The following PLXNA4 variants were observed in gnomAD, a reference collection of about 807,000 sequenced individuals.
The protein encoded by PLXNA4 is plexin A4.
In PLXNA4, 44 loss-of-function variants were observed where a neutral mutation model predicts 191.8. The ratio of observed to expected loss-of-function variants is 0.23; its 90% CI spans 0.18 to 0.29. PLXNA4 has a LOEUF of 0.29. Among genes scored for constraint, PLXNA4 ranks in the 10% least tolerant of loss-of-function variants. The pLI is 1.00. For synonymous variants in PLXNA4, 1,082 were observed against 1,009.5 expected (o/e 1.07, Z -1.36); for missense variants, 1,800 against 2,488.8 (o/e 0.72, Z 5.89).
chr7:132,227,338 C>T lies in PLXNA4; in HGVS notation c.1882+113G>A, dbSNP rs1798360554. On this transcript the variant is annotated intron_variant, in intron 7 of 31. Transcript: ENST00000321063. ...CACACCCACCATCCCATGCCCCTTC[C>T]TCTGACTCTCTCCTGCCTGCAGGTT... The T allele has an allele frequency of 2.1e-5, 30 of 1,426,222 alleles. 1 individual carries two copies. The South Asian group carries it at 4.0e-4, about 19-fold the overall frequency. The allele number at this position is 1,426,222 out of a possible 1,614,324, so 88.3% of individuals were successfully genotyped here.
intron 3 of PLXNA4, among the ~76,000 whole-genome samples, chr7:132,380,489 A>C (rs187868326): frequency 1.0e-3 from 155 of 152,298 alleles, no homozygotes; most frequent in African/African-American, 3.5e-3. Context: ...AAGATAATAT[A>C]ATGTGGCCCT....
intron 3 of PLXNA4, among the ~76,000 whole-genome samples, chr7:132,387,711 G>A (rs1394759817): frequency 1.3e-5 from 2 of 152,292 alleles, no homozygotes; most frequent in East Asian, 3.9e-4. Flanking sequence ...CCAAGGTCAG[G>A]GTGCTGGAGG....
At chr7:132,452,183 A>C (rs549951915) in intron 3 of PLXNA4, among the ~76,000 whole-genome samples, 1 of 152,362 alleles carries the variant, frequency 6.6e-6, no homozygotes, top group South Asian at 2.1e-4. Context: ...ATAATTCCAA[A>C]GGAAATCAAA....
At chr7:132,313,344 G>A (rs995175821) in intron 3 of PLXNA4, among the ~76,000 whole-genome samples, 3 of 152,164 alleles carry the variant, frequency 2.0e-5, no homozygotes, top group Non-Finnish European at 4.4e-5. Flanking sequence ...ACAGGAAGTT[G>A]CATGTGCCTG....
chr7:132,555,875 T>G (rs1414941045), intron 1 of PLXNA4, among the ~76,000 whole-genome samples: 3 of 152,186 alleles, frequency 2.0e-5, no homozygotes, highest in African/African-American at 7.2e-5. Flanking sequence ...TTAAAAAACA[T>G]AAGAGATGTT....
chr7:132,466,196 AAAGGGGGAAATATGCAGGAG>A (rs1796693309), intron 3 of PLXNA4, among the ~76,000 whole-genome samples: 1 of 152,178 alleles, frequency 6.6e-6, no homozygotes, highest in Non-Finnish European at 1.5e-5. Context: ...GGCCAGTGTG[AAAGGGGGAAATATGCAGGAG>A]GGACAATGTC....
At chr7:132,410,822 C>T (rs11771703) in intron 3 of PLXNA4, among the ~76,000 whole-genome samples, 3 of 151,898 alleles carry the variant, frequency 2.0e-5, no homozygotes, top group African/African-American at 2.4e-5. Context: ...CCCCTTCTGA[C>T]GGTGCACCCA....
intron 1 of PLXNA4, among the ~76,000 whole-genome samples, chr7:132,562,985 T>TCTCCTCCTCCTC (rs372238259): frequency 1.3e-4 from 1 of 7,594 alleles, no homozygotes; most frequent in Non-Finnish European, 2.7e-4. Flanking sequence ...TCCTCCTCCT[T>TCTCCTCCTCCTC]CTCCTCCTCC....
chr7:132,336,198 G>A (rs564332366), intron 3 of PLXNA4, among the ~76,000 whole-genome samples: 6 of 152,318 alleles, frequency 3.9e-5, no homozygotes, highest in Middle Eastern at 3.4e-3. Context: ...TGTTTCTGGA[G>A]TTAAGATTTA....
intron 17 of PLXNA4, 82 bp downstream of exon 17, chr7:132,182,015 G>C: frequency 6.2e-7 from 1 of 1,601,614 alleles, no homozygotes; most frequent in South Asian, 1.1e-5. Flanking sequence ...AGTTACCTCA[G>C]TACTTGGGAA....
Position 132,354,631 on chromosome 7 carries a change from C to A in PLXNA4, c.1372-56409G>T, listed in dbSNP as rs1296433063. On this transcript the variant is annotated intron_variant, in intron 3 of 31. Transcript: ENST00000321063. The stretch of plus-strand genomic sequence containing the variant: ...GTCCACATGTGTGTGTCCTAATGTA[C>A]CCCTGCTCTGCAGATGGCTCTAATT... Among the ~76,000 whole-genome samples the A allele has an allele frequency of 2.6e-5, 4 of 152,188 alleles. 1 individual carries two copies. The highest frequency in any genetic ancestry group is 4.1e-4 in the South Asian group (2 of 4,824).
intron 3 of PLXNA4, among the ~76,000 whole-genome samples, chr7:132,450,004 C>T (rs188814743): frequency 5.3e-5 from 8 of 152,352 alleles, no homozygotes; most frequent in East Asian, 3.9e-4. Flanking sequence ...CCCAGTCACA[C>T]TGTCCATTTC....
intron 1 of PLXNA4, among the ~76,000 whole-genome samples, chr7:132,509,320 G>A (rs975920802): frequency 3.3e-5 from 5 of 152,310 alleles, no homozygotes; most frequent in Non-Finnish European, 7.3e-5. Flanking sequence ...TCTGGCCGTA[G>A]AGGTGGTAAC....
intron 1 of PLXNA4, among the ~76,000 whole-genome samples, chr7:132,527,752 A>T (rs1490914862): frequency 6.6e-6 from 1 of 152,012 alleles, no homozygotes; most frequent in Non-Finnish European, 1.5e-5. Context: ...CCTATTCCCC[A>T]TGCCACCTGC....
chr7:132,415,180 G>T (rs894540602), intron 3 of PLXNA4, among the ~76,000 whole-genome samples: 2 of 152,230 alleles, frequency 1.3e-5, no homozygotes, highest in Non-Finnish European at 2.9e-5. Context: ...CCAGAGGGGA[G>T]GTCCGAAGGG....
At chr7:132,184,712 G>A (rs1225600049) in intron 16 of PLXNA4, among the ~76,000 whole-genome samples, 2 of 151,164 alleles carry the variant, frequency 1.3e-5, no homozygotes, top group Non-Finnish European at 2.9e-5. Flanking sequence ...TCTGAGACAG[G>A]TGTTCAGTGC....
At chr7:132,415,589 TAACTC>T (rs1181884518) in intron 3 of PLXNA4, among the ~76,000 whole-genome samples, 1 of 152,188 alleles carries the variant, frequency 6.6e-6, no homozygotes, top group Non-Finnish European at 1.5e-5. Flanking sequence ...CTGCAAAACA[TAACTC>T]TAATAGGAGA....
chr7:132,234,224 CA>C (rs1423464420), intron 5 of PLXNA4, among the ~76,000 whole-genome samples: 1 of 152,224 alleles, frequency 6.6e-6, no homozygotes, highest in East Asian at 1.9e-4. Context: ...CACATTCCAA[CA>C]ATGACTCCAG....
At chr7:132,418,613 C>G (rs927613839) in intron 3 of PLXNA4, among the ~76,000 whole-genome samples, 38 of 152,284 alleles carry the variant, frequency 2.5e-4, no homozygotes, top group African/African-American at 9.1e-4. Flanking sequence ...TCCTGGGCAC[C>G]GCCTGGAGAA....
Sources: gnomAD v4.1 joint callset for allele counts (sites outside exome capture counted in the v4.1 genomes callset) on GRCh38, gnomAD v4.1.1 for gene constraint, MANE v1.5 for transcripts, NCBI Gene and HGNC (gene_info 2026-07-23, HGNC 2026-07-21) for gene names.